Variants in PTK7 observed in about 807,000 individuals in gnomAD.
PTK7 encodes inactive tyrosine-protein kinase 7.
A neutral mutation model predicts 116.6 loss-of-function variants in PTK7; 39 were observed. The ratio of observed to expected loss-of-function variants is 0.33; its 90% CI spans 0.26 to 0.44. The LOEUF (loss-of-function observed/expected upper bound fraction) is 0.44. PTK7 is among the 20% of genes least tolerant of loss of function. The probability of loss-of-function intolerance (pLI) is 1.00; values close to 1 mark genes in which losing one functional copy is unlikely to be tolerated. For missense variants in PTK7, 1,169 were observed against 1,425.6 expected, an observed-to-expected ratio of 0.82 and a Z score of 2.90; for synonymous variants, 546 against 563.6, an observed-to-expected ratio of 0.97 and a Z score of 0.44.
chr6:43,122,440 C>T (rs1769016451), intron 1 of PTK7, among the ~76,000 whole-genome samples: 2 of 152,228 alleles, frequency 1.3e-5, no homozygotes, highest in South Asian at 2.1e-4. Flanking sequence ...CTTCTCCTGG[C>T]CTGTGGCCTG....
Position 43,085,341 on chromosome 6 carries a change from C to T in PTK7, c.79+8774C>T, listed in dbSNP as rs146283969. Among the ~76,000 whole-genome samples, 1,011 of 152,148 alleles carry T rather than the reference C, an allele frequency of 6.6e-3. 13 individuals carry two copies. Among genetic ancestry groups the T allele is most frequent in the African/African-American group, 0.023 (963 of 41,520 alleles). ...GTGCAGTAGTGCGATCTCCACCTCCCGGGTTCGCGCCATTCTCCTCCCTCA... is the reference window on the plus strand; with the variant it reads ...GTGCAGTAGTGCGATCTCCACCTCCTGGGTTCGCGCCATTCTCCTCCCTCA... On this transcript the variant is annotated intron_variant, in intron 1 of 19. Coordinates refer to ENST00000230419, the MANE Select transcript of PTK7 (RefSeq NM_002821.5).
chr6:43,154,365 C>T (rs1771295932), intron 17 of PTK7, among the ~76,000 whole-genome samples: 1 of 151,994 alleles, frequency 6.6e-6, no homozygotes, highest in South Asian at 2.1e-4. Flanking sequence ...ATTTAAATAG[C>T]CACATGGGGA....
chr6:43,080,030 C>T (rs770258897), intron 1 of PTK7, among the ~76,000 whole-genome samples: 3 of 133,978 alleles, frequency 2.2e-5, no homozygotes, highest in Non-Finnish European at 4.6e-5. Context: ...CACTGCACTT[C>T]GGTCTGGGTG....
intron 17 of PTK7, among the ~76,000 whole-genome samples, chr6:43,151,668 C>G (rs1408673806): frequency 1.4e-5 from 2 of 147,216 alleles, no homozygotes; most frequent in Non-Finnish European, 1.5e-5. Flanking sequence ...AGTAGAGTAG[C>G]TGGGACTACA....
At chr6:43,121,603 G>T (rs1768967578) in intron 1 of PTK7, among the ~76,000 whole-genome samples, 2 of 152,322 alleles carry the variant, frequency 1.3e-5, no homozygotes, top group South Asian at 4.1e-4. Flanking sequence ...GAGTCAGCTT[G>T]TCCATCTTCA....
At chr6:43,124,908 C>T (rs958529650) in intron 1 of PTK7, among the ~76,000 whole-genome samples, 7 of 152,172 alleles carry the variant, frequency 4.6e-5, no homozygotes, top group African/African-American at 1.2e-4. Context: ...CGGGGTGGCT[C>T]ACGCCTGTAA....
At chr6:43,157,966 T>TC (rs1160745139) in intron 17 of PTK7, among the ~76,000 whole-genome samples, 5 of 152,042 alleles carry the variant, frequency 3.3e-5, no homozygotes, top group Admixed American at 2.0e-4. Flanking sequence ...TCTCAGGTGA[T>TC]CCACCTGCCT....
chr6:43,161,042 T>A lies in PTK7; in HGVS notation c.*161T>A. On this transcript the variant is annotated 3_prime_UTR_variant, in exon 20 of 20. Transcript: ENST00000230419. The stretch of plus-strand genomic sequence containing the variant: ...AGCAGGGCCTGGCCTTTCCTCCTCT[T>A]CCTCACCCTCATCCTTTGGGAGGCT... The A allele has an allele frequency of 9.6e-7, 1 of 1,042,786 alleles. No homozygotes were observed. Among genetic ancestry groups the A allele is most frequent in the Non-Finnish European group, 1.3e-6 (1 of 744,784 alleles). 64.6% of individuals were successfully genotyped at this position (1,042,786 alleles called of 1,614,324 possible). A position where few individuals can be genotyped will look rare whatever the true frequency, so the allele number is the denominator to read the frequency against.
intron 1 of PTK7, among the ~76,000 whole-genome samples, chr6:43,128,718 G>A (rs1769447983): frequency 6.6e-6 from 1 of 152,236 alleles, no homozygotes; most frequent in South Asian, 2.1e-4. Flanking sequence ...CCAGGAGGTG[G>A]AGGTTGCAGT....
Position 43,159,783 on chromosome 6 carries a change from T to G in PTK7, c.2874-5T>G. 1 of 1,614,206 alleles carries G rather than the reference T, an allele frequency of 6.2e-7. No homozygotes were observed. Among genetic ancestry groups the G allele is most frequent in the Non-Finnish European group, 8.5e-7 (1 of 1,180,028 alleles). On this transcript the variant is annotated splice_region_variant and splice_polypyrimidine_tract_variant and intron_variant, in intron 18 of 19. Coordinates refer to ENST00000230419, the MANE Select transcript of PTK7 (RefSeq NM_002821.5). ...CCTCACCCCTGGGTTGCTTCTCTCC[T>G]GCAGTGAGTACTACCACTTCCGCCA...
chr6:43,095,571 T>TA (rs1767208085), intron 1 of PTK7, among the ~76,000 whole-genome samples: 1 of 152,136 alleles, frequency 6.6e-6, no homozygotes, highest in South Asian at 2.1e-4. Context: ...GGCAAGAACT[T>TA]AAGAGTCCCA....
At chr6:43,106,086 GAT>G (rs1491545486) in intron 1 of PTK7, among the ~76,000 whole-genome samples, 9 of 151,890 alleles carry the variant, frequency 5.9e-5, no homozygotes, top group African/African-American at 2.2e-4. Context: ...TTGTGGTTGT[GAT>G]TTTTTTTTGT....
chr6:43,134,373 G>A (rs539365734), intron 7 of PTK7, among the ~76,000 whole-genome samples: 10 of 152,222 alleles, frequency 6.6e-5, no homozygotes, highest in East Asian at 3.9e-4. Context: ...CAGGCCAGGC[G>A]TGGTGGTTCA....
At chr6:43,104,878 T>C (rs572269276) in intron 1 of PTK7, among the ~76,000 whole-genome samples, 1 of 147,934 alleles carries the variant, frequency 6.8e-6, no homozygotes, top group Non-Finnish European at 1.5e-5. Context: ...AGTGGCGTGA[T>C]CTCCGCTCAC....
chr6:43,158,331 G>T (rs1771639661), intron 17 of PTK7, among the ~76,000 whole-genome samples: 1 of 151,946 alleles, frequency 6.6e-6, no homozygotes, highest in Non-Finnish European at 1.5e-5. Flanking sequence ...GCTGGGCATG[G>T]TGATGCACAG....
chr6:43,139,980 G>T lies in PTK7; in HGVS notation c.1618+455G>T, dbSNP rs1181691624. Among the ~76,000 whole-genome samples the T allele has an allele frequency of 1.3e-5, 2 of 152,186 alleles. No homozygotes were observed. The highest frequency in any genetic ancestry group is 1.3e-4 in the Admixed American group (2 of 15,282). On this transcript the variant is annotated intron_variant, in intron 10 of 19. Transcript: ENST00000230419. This position sits in a 1 kb window ranked among gnomAD's most constrained non-coding sequence, Gnocchi z 4.6. Reference sequence around the variant, plus strand: ...AATGCAAAAGTTAGCCAGGCGTGGTGGCACATGCTTGCAATCCCAGCTGCT... The same window carrying T: ...AATGCAAAAGTTAGCCAGGCGTGGTTGCACATGCTTGCAATCCCAGCTGCT...
chr6:43,077,269 G>A (rs1170752413), intron 1 of PTK7, among the ~76,000 whole-genome samples: 1 of 152,264 alleles, frequency 6.6e-6, no homozygotes, highest in Non-Finnish European at 1.5e-5. Flanking sequence ...TGACTAATGT[G>A]TGAAGGCCGC....
At chr6:43,157,936 G>A (rs1164318303) in intron 17 of PTK7, among the ~76,000 whole-genome samples, 2 of 152,028 alleles carry the variant, frequency 1.3e-5, no homozygotes, top group African/African-American at 4.8e-5. Flanking sequence ...ACGTTGATCA[G>A]GCTGGTCTCG....
chr6:43,161,085 G>A lies in PTK7; in HGVS notation c.*204G>A, dbSNP rs1342369348. On this transcript the variant is annotated 3_prime_UTR_variant, in exon 20 of 20. Coordinates refer to ENST00000230419, the MANE Select transcript of PTK7 (RefSeq NM_002821.5). ...GGGAGGCTGACTTGGACCCAAACTG[G>A]GCGACTAGGGCTTTGAGCTGGGCAG... is the stretch of plus-strand genomic sequence containing the variant. The A allele has an allele frequency of 1.4e-6, 1 of 691,696 alleles. No homozygotes were observed. Among genetic ancestry groups the A allele is most frequent in the East Asian group, 2.8e-5 (1 of 35,290 alleles). The allele number at this position is 691,696 out of a possible 1,614,324, so 42.8% of individuals were successfully genotyped here.
Sources: gnomAD v4.1 joint callset for allele counts (sites outside exome capture counted in the v4.1 genomes callset) on GRCh38, gnomAD v4.1.1 for gene constraint, Gnocchi (gnomAD v3.1) non-coding constraint, MANE v1.5 for transcripts, NCBI Gene and HGNC (gene_info 2026-07-23, HGNC 2026-07-21) for gene names.